Variants in VGLL4 observed in about 807,000 individuals in gnomAD.
VGLL4 encodes vestigial like family member 4.
In VGLL4, 7 loss-of-function variants were observed where a neutral mutation model predicts 21.0. That is an observed-to-expected ratio of 0.33 (90% CI 0.19 to 0.63). The LOEUF is 0.63. VGLL4 is among the 20% of genes least tolerant of loss of function. The probability of loss-of-function intolerance (pLI) is 0.78; values close to 1 mark genes in which losing one functional copy is unlikely to be tolerated. For missense variants in VGLL4, 394 were observed against 425.7 expected, an observed-to-expected ratio of 0.93 and a Z score of 0.66; for synonymous variants, 222 against 173.2, an observed-to-expected ratio of 1.28 and a Z score of -2.21.
chr3:11,603,378 G>A (rs371099982), intron 1 of VGLL4, among the ~76,000 whole-genome samples: 99 of 152,202 alleles, frequency 6.5e-4, no homozygotes, highest in African/African-American at 2.3e-3. Context: ...CAGGCCTCAC[G>A]CTGGCCTGCC....
At chr3:11,697,966 C>A (rs1318662395) in intron 2 of VGLL4, among the ~76,000 whole-genome samples, 1 of 152,212 alleles carries the variant, frequency 6.6e-6, no homozygotes, top group Non-Finnish European at 1.5e-5. Context: ...CATATTCATT[C>A]AAAAGCACTA....
At chr3:11,599,740 G>C (rs991825050) in intron 2 of VGLL4, among the ~76,000 whole-genome samples, 1 of 148,560 alleles carries the variant, frequency 6.7e-6, no homozygotes, top group African/African-American at 2.5e-5. Context: ...GGCTGGTCTC[G>C]AACTCCTGGC....
intron 2 of VGLL4, among the ~76,000 whole-genome samples, chr3:11,701,133 T>C (rs2125403299): frequency 6.6e-6 from 1 of 152,248 alleles, no homozygotes; most frequent in South Asian, 2.1e-4. Flanking sequence ...ATCCCCAACG[T>C]TGGAAGCAAG....
chr3:11,613,547 C>T (rs1295579117), intron 1 of VGLL4, among the ~76,000 whole-genome samples: 2 of 152,168 alleles, frequency 1.3e-5, no homozygotes, highest in African/African-American at 2.4e-5. Context: ...CACGTGGTCC[C>T]GGGTACTGTT....
chr3:11,624,545 C>T (rs994643709), intron 1 of VGLL4, among the ~76,000 whole-genome samples: 1 of 151,950 alleles, frequency 6.6e-6, no homozygotes, highest in African/African-American at 2.4e-5. Flanking sequence ...TTAATGTTTG[C>T]CTCTTGAGAG....
Position 11,589,139 on chromosome 3 carries a change from C to T in VGLL4, c.272+12694G>A, listed in dbSNP as rs3856797. 1.4e-3 allele frequency among the ~76,000 whole-genome samples: 219 copies of T among 152,080 alleles called. 1 individual carries two copies. The highest frequency in any genetic ancestry group is 5.1e-3 in the African/African-American group (213 of 41,490). On this transcript the variant is annotated intron_variant, in intron 2 of 4. Coordinates refer to ENST00000430365, the MANE Select transcript of VGLL4 (RefSeq NM_001128219.3). ...GGAAATCAAATAAGACAAGGGACTG[C>T]ACTCTTTCCTGAACCTGGCAACCAG...
intron 2 of VGLL4, chr3:11,671,466 C>T (rs937140730): frequency 3.3e-5 from 23 of 692,524 alleles, no homozygotes; most frequent in African/African-American, 1.9e-4. Context: ...GGGATTGGTC[C>T]CAGGACCCCC....
intron 2 of VGLL4, among the ~76,000 whole-genome samples, chr3:11,590,976 T>C (rs888731362): frequency 1.3e-5 from 2 of 152,172 alleles, no homozygotes; most frequent in Admixed American, 6.5e-5. Context: ...GCACTTCATA[T>C]ACATTCAGGA....
At chr3:11,646,808 C>T (rs898639689), upstream of VGLL4, among the ~76,000 whole-genome samples, 1 of 152,148 alleles carries the variant, frequency 6.6e-6, no homozygotes, top group Non-Finnish European at 1.5e-5. Context: ...CCAGCCACAG[C>T]CACCACGTCT....
rs1575376903 is a variant in VGLL4, at chr3:11,565,627, G to T, written c.273-608C>A. ...TGGCACGTGCTCTGGGGTTCCCGGG[G>T]TGCTGTAGGGAGCCGGCGCGCAGCT... On this transcript the variant is annotated intron_variant, in intron 2 of 4. Coordinates refer to ENST00000430365, the MANE Select transcript of VGLL4 (RefSeq NM_001128219.3). This position sits in a 1 kb window ranked among gnomAD's most constrained non-coding sequence, Gnocchi z 4.1. Among the ~76,000 whole-genome samples, 1 of 152,320 alleles carries T rather than the reference G, an allele frequency of 6.6e-6. No homozygotes were observed. Among genetic ancestry groups the T allele is most frequent in the African/African-American group, 2.4e-5 (1 of 41,576 alleles).
chr3:11,568,629 C>T lies in VGLL4; in HGVS notation c.273-3610G>A, dbSNP rs2073644109. 6.4e-7 allele frequency: 1 copy of T among 1,569,722 alleles called. No homozygotes were observed. The highest frequency in any genetic ancestry group is 1.8e-5 in the Admixed American group (1 of 54,132). On this transcript the variant is annotated intron_variant, in intron 2 of 4. Transcript: ENST00000430365. The surrounding 1 kb of genome is among the most constrained non-coding windows in gnomAD (Gnocchi z 5.9). ...CATTTCCAGCTCATTTTCCTGGTTC[C>T]CGGAGCTTCAAGACAGACATTGTTT...
chr3:11,698,653 T>C (rs2076637454), intron 2 of VGLL4, among the ~76,000 whole-genome samples: 1 of 152,222 alleles, frequency 6.6e-6, no homozygotes, highest in African/African-American at 2.4e-5. Flanking sequence ...CCCTAGACAC[T>C]GATTACATCA....
intron 1 of VGLL4, among the ~76,000 whole-genome samples, chr3:11,603,723 C>A (rs545891389): frequency 1.9e-4 from 29 of 152,156 alleles, no homozygotes; most frequent in Non-Finnish European, 3.7e-4. Context: ...TGGCAGGATG[C>A]GAGGGGATGA....
chr3:11,702,591 TGCAATC>T (rs2076697274), intron 2 of VGLL4: 1 of 152,338 alleles, frequency 6.6e-6, no homozygotes, highest in Non-Finnish European at 1.5e-5. Flanking sequence ...ATTGCACCAC[TGCAATC>T]CAGTCTGGGT....
rs561043679 is a variant in VGLL4 at position 11,605,584 on chromosome 3, C to G, written c.83-3562G>C. On this transcript the variant is annotated intron_variant, in intron 1 of 4. Transcript: ENST00000430365. The stretch of plus-strand genomic sequence containing the variant: ...GCAAAACCACTTAAAATGCCTCCTC[C>G]ATCAGGCTGTCCTCCTTGATTCCTC... Among the ~76,000 whole-genome samples the G allele has an allele frequency of 6.6e-5, 10 of 152,144 alleles. No individual in the cohort carries two copies. The South Asian group carries it at 1.2e-3, about 19-fold the overall frequency.
chr3:11,626,737 A>G (rs2075358465), intron 1 of VGLL4, among the ~76,000 whole-genome samples: 1 of 152,208 alleles, frequency 6.6e-6, no homozygotes, highest in Admixed American at 6.5e-5. Flanking sequence ...TCCATGTGAT[A>G]TAAATGGGTT....
intron 2 of VGLL4, among the ~76,000 whole-genome samples, chr3:11,685,224 A>T: frequency 7.2e-6 from 1 of 139,388 alleles, no homozygotes; most frequent in African/African-American, 2.7e-5. Context: ...TTTGAGATGG[A>T]GTCTCGCTCT....
intron 1 of VGLL4, among the ~76,000 whole-genome samples, chr3:11,716,302 C>CAA (rs554449676): frequency 4.1e-4 from 25 of 60,944 alleles, no homozygotes; most frequent in African/African-American, 7.8e-4. Context: ...AACTCTGTCT[C>CAA]AAAAAAAAAA....
chr3:11,634,421 G>A (rs1311136306), intron 1 of VGLL4, among the ~76,000 whole-genome samples: 1 of 152,132 alleles, frequency 6.6e-6, no homozygotes, highest in Admixed American at 6.5e-5. Context: ...TGTGGCCACC[G>A]TCAGAATTTG....
Sources: gnomAD v4.1 joint callset for allele counts (sites outside exome capture counted in the v4.1 genomes callset) on GRCh38, gnomAD v4.1.1 for gene constraint, Gnocchi (gnomAD v3.1) non-coding constraint, MANE v1.5 for transcripts, NCBI Gene and HGNC (gene_info 2026-07-23, HGNC 2026-07-21) for gene names.